The following ENPP2 variants were observed in gnomAD, a reference collection of about 807,000 sequenced individuals.
ENPP2 encodes the protein ectonucleotide pyrophosphatase/phosphodiesterase 2.
In ENPP2, 51 loss-of-function variants were observed where a neutral mutation model predicts 120.2. The ratio of observed to expected loss-of-function variants is 0.42; its 90% confidence interval spans 0.34 to 0.54. ENPP2 has a LOEUF of 0.54. Among genes scored for constraint, ENPP2 ranks in the 20% least tolerant of loss-of-function variants. The pLI is 0.04. For missense variants in ENPP2, 920 were observed against 1,066.5 expected (o/e 0.86, Z 1.91); for synonymous variants, 365 against 366.4 (o/e 1.00, Z 0.04).
At chr8:119,604,275 G>A (rs193050921) in intron 9 of ENPP2, among the ~76,000 whole-genome samples, 25 of 152,082 alleles carry the variant, frequency 1.6e-4, no homozygotes, top group Admixed American at 1.0e-3. Flanking sequence ...TGATCCACCC[G>A]CTTCAGCCTC....
At chr8:119,571,035 A>T (rs1046901021) in intron 19 of ENPP2, 194 bp from the exon 20 acceptor site, 2 of 391,054 alleles carry the variant, frequency 5.1e-6, no homozygotes, top group Non-Finnish European at 9.0e-6. Flanking sequence ...CCATGGGTCA[A>T]GCTTTACAGT....
At chr8:119,593,609 C>T (rs1813688521) in intron 12 of ENPP2, 143 bp downstream of exon 12, 2 of 616,322 alleles carry the variant, frequency 3.2e-6, no homozygotes, top group Non-Finnish European at 2.9e-6. Context: ...TCAATCATGG[C>T]CTGATTTCTA....
At position 119,646,191 on chromosome 8, in the gene ENPP2, G is replaced by A. The variant is rs577881495; in HGVS notation, c.22-7664C>T. Among the ~76,000 whole-genome samples the A allele has an allele frequency of 2.0e-5, 3 of 151,994 alleles. No individual in the cohort carries two copies. The East Asian group carries it at 5.8e-4, about 30-fold the overall frequency. ...TCACTGTGTTAGCCAGGATGGTCTC[G>A]ATCTCCTGACCTCGTGATCCACCCA... On this transcript the variant is annotated intron_variant, in intron 1 of 25. Transcript: ENST00000427067.
At chr8:119,644,587 A>AAT (rs33966650) in intron 1 of ENPP2, among the ~76,000 whole-genome samples, 1,452 of 59,804 alleles carry the variant, frequency 0.024, 22 homozygotes, top group East Asian at 0.038. Context: ...AGATTACTAA[A>AAT]ATATATATAT....
At chr8:119,581,031 C>T (rs568173294) in intron 18 of ENPP2, 6 of 151,988 alleles carry the variant, frequency 3.9e-5, no homozygotes, top group Non-Finnish European at 7.4e-5. Context: ...TATTGGGAGG[C>T]CAAGGCGGGT....
chr8:119,586,332 T>C lies in ENPP2; in HGVS notation c.1240-19A>G. On this transcript the variant is annotated intron_variant, in intron 14 of 24. Coordinates refer to ENST00000075322, the MANE Select transcript of ENPP2 (RefSeq NM_001040092.3). ...TTTTACACTGAAATAGAAATGGAAA[T>C]CAGACTTCAGATGGAATGTCTTTTG... 6.2e-7 allele frequency: 1 copy of C among 1,612,160 alleles called. No individual in the cohort carries two copies. Among genetic ancestry groups the C allele is most frequent in the Non-Finnish European group, 8.5e-7 (1 of 1,178,858 alleles).
chr8:119,571,234 C>T (rs1814952414), intron 19 of ENPP2: 1 of 154,572 alleles, frequency 6.5e-6, no homozygotes, highest in Admixed American at 6.5e-5. Flanking sequence ...TCAGGTACAC[C>T]AATGATTTAA....
At chr8:119,669,652 T>G (rs1405974419) in intron 1 of ENPP2, among the ~76,000 whole-genome samples, 2 of 152,194 alleles carry the variant, frequency 1.3e-5, no homozygotes, top group Non-Finnish European at 2.9e-5. Flanking sequence ...AACTGGAGGT[T>G]CATTACAACT....
At chr8:119,595,849 T>C (rs1813849812) in intron 11 of ENPP2, 1 of 1,613,714 alleles carries the variant, frequency 6.2e-7, no homozygotes. Context: ...AAACTTACTT[T>C]GTCCTGACGA....
At chr8:119,650,467 T>G (rs924531229) in intron 1 of ENPP2, among the ~76,000 whole-genome samples, 1 of 152,220 alleles carries the variant, frequency 6.6e-6, no homozygotes, top group African/African-American at 2.4e-5. Context: ...GAGTGAATTG[T>G]ATAATATATA....
At chr8:119,619,410 G>T in intron 4 of ENPP2, 106 bp from the exon 5 acceptor site, 1 of 633,258 alleles carries the variant, frequency 1.6e-6, no homozygotes, top group Non-Finnish European at 2.4e-6. Flanking sequence ...TTCTTTATGG[G>T]ATATAACAAA....
At chr8:119,573,397 G>T (rs1387520767) in intron 19 of ENPP2, among the ~76,000 whole-genome samples, 14 of 113,966 alleles carry the variant, frequency 1.2e-4, no homozygotes, top group Admixed American at 6.0e-4. Context: ...ACAGAGCGAG[G>T]CTCCGTCTCT....
chr8:119,654,665 G>A (rs1817719757), intron 1 of ENPP2, among the ~76,000 whole-genome samples: 1 of 151,712 alleles, frequency 6.6e-6, no homozygotes, highest in South Asian at 2.1e-4. Context: ...GCTTTTTCTA[G>A]GCAAAACTAG....
intron 24 of ENPP2, among the ~76,000 whole-genome samples, chr8:119,561,690 T>C (rs1813943409): frequency 6.6e-6 from 1 of 152,202 alleles, no homozygotes; most frequent in Non-Finnish European, 1.5e-5. Flanking sequence ...AGGAGTCATC[T>C]GTGCTATCTG....
At chr8:119,656,494 T>A (rs1817769599) in intron 1 of ENPP2, among the ~76,000 whole-genome samples, 1 of 152,188 alleles carries the variant, frequency 6.6e-6, no homozygotes, top group South Asian at 2.1e-4. Flanking sequence ...ACATTTAACA[T>A]AAGATTGACC....
intron 1 of ENPP2, among the ~76,000 whole-genome samples, chr8:119,658,669 C>A (rs1031700233): frequency 1.2e-4 from 18 of 152,108 alleles, no homozygotes; most frequent in African/African-American, 4.3e-4. Context: ...ATTCATCCTT[C>A]TCTCCCCTAT....
intron 13 of ENPP2, among the ~76,000 whole-genome samples, chr8:119,587,295 C>T (rs1334872307): frequency 6.6e-6 from 1 of 152,174 alleles, no homozygotes; most frequent in African/African-American, 2.4e-5. Context: ...AAACTGCCCT[C>T]CTAGGTCCAG....
At chr8:119,667,689 C>T (rs1818114851) in intron 1 of ENPP2, among the ~76,000 whole-genome samples, 1 of 152,188 alleles carries the variant, frequency 6.6e-6, no homozygotes, top group African/African-American at 2.4e-5. Flanking sequence ...TGACACAGTG[C>T]CTCCTAAGTG....
chr8:119,607,899 T>C, intron 9 of ENPP2, 23 bp downstream of exon 9: 1 of 1,484,880 alleles, frequency 6.7e-7, no homozygotes, highest in Non-Finnish European at 9.3e-7. Context: ...TTTATAAACA[T>C]TGACAAAATA....
Sources: gnomAD v4.1 joint callset for allele counts (sites outside exome capture counted in the v4.1 genomes callset) on GRCh38, gnomAD v4.1.1 for gene constraint, MANE v1.5 for transcripts, NCBI Gene and HGNC (gene_info 2026-07-23, HGNC 2026-07-21) for gene names.